The following TCF4 variants were observed in gnomAD, a reference collection of about 807,000 sequenced individuals.
The protein encoded by TCF4 is transcription factor 4.
A neutral mutation model predicts 82.1 loss-of-function variants in TCF4; 3 were observed. The ratio of observed to expected loss-of-function variants is 0.04; its 90% CI spans 0.02 to 0.09. The LOEUF (loss-of-function observed/expected upper bound fraction) is 0.09. Ranked by LOEUF, TCF4 falls within the 10% of genes least tolerant of loss-of-function variation. The probability of loss-of-function intolerance (pLI) is 1.00; values close to 1 mark genes in which losing one functional copy is unlikely to be tolerated. For synonymous variants in TCF4, 276 were observed against 309.6 expected, an observed-to-expected ratio of 0.89 and a Z score of 1.14; for missense variants, 518 against 852.7, an observed-to-expected ratio of 0.61 and a Z score of 4.89.
chr18:55,533,642 T>C (rs1274271555), intron 3 of TCF4, among the ~76,000 whole-genome samples: 1 of 152,220 alleles, frequency 6.6e-6, no homozygotes, highest in Non-Finnish European at 1.5e-5. Flanking sequence ...AAACATTTAG[T>C]GAAAATGTAA....
At chr18:55,543,624 T>C (rs2097182184) in intron 3 of TCF4, among the ~76,000 whole-genome samples, 1 of 152,150 alleles carries the variant, frequency 6.6e-6, no homozygotes, top group Middle Eastern at 3.2e-3. Context: ...ATATCTTTTA[T>C]GATACAGCAG....
chr18:55,283,538 C>T (rs185402036), intron 8 of TCF4, among the ~76,000 whole-genome samples: 1 of 152,284 alleles, frequency 6.6e-6, no homozygotes, highest in Admixed American at 6.5e-5. Flanking sequence ...TATATCTAAC[C>T]TTCATAATGA....
chr18:55,275,168 A>C (rs926005167), intron 10 of TCF4, among the ~76,000 whole-genome samples: 3 of 151,818 alleles, frequency 2.0e-5, no homozygotes, highest in Non-Finnish European at 4.4e-5. Flanking sequence ...CAACAGGCCA[A>C]AGCTGACATA....
intron 5 of TCF4, among the ~76,000 whole-genome samples, chr18:55,414,189 C>A (rs2094449327): frequency 6.6e-6 from 1 of 152,038 alleles, no homozygotes; most frequent in Admixed American, 6.6e-5. Context: ...TGTTAGAATG[C>A]AATTCTTAGT....
At chr18:55,587,295 G>C (rs984037262) in intron 1 of TCF4, 159 bp from the exon 2 acceptor site, 14 of 331,312 alleles carry the variant, frequency 4.2e-5, no homozygotes, top group Non-Finnish European at 7.4e-5. Context: ...TTGTTGGGTT[G>C]GGTTTGGTTT....
intron 8 of TCF4, among the ~76,000 whole-genome samples, chr18:55,310,586 TGAG>T (rs1416624300): frequency 6.6e-6 from 1 of 152,144 alleles, no homozygotes; most frequent in Non-Finnish European, 1.5e-5. Flanking sequence ...TTATCCACAT[TGAG>T]GAGAAGCGCA....
At chr18:55,265,453 G>A (rs2058935243) in intron 11 of TCF4, 1 of 152,064 alleles carries the variant, frequency 6.6e-6, no homozygotes, top group Non-Finnish European at 1.5e-5. Flanking sequence ...TTTTTTAACA[G>A]GAGGGATTCC....
intron 3 of TCF4, among the ~76,000 whole-genome samples, chr18:55,539,982 G>A (rs1020424375): frequency 2.0e-5 from 3 of 151,758 alleles, no homozygotes; most frequent in Non-Finnish European, 4.4e-5. Flanking sequence ...CTCAATATAC[G>A]TTATTGAACA....
At chr18:55,416,744 T>G (rs2094539046) in intron 5 of TCF4, among the ~76,000 whole-genome samples, 1 of 152,238 alleles carries the variant, frequency 6.6e-6, no homozygotes, top group African/African-American at 2.4e-5. Flanking sequence ...AAGCTCTCAG[T>G]TCTGAAATGT....
At chr18:55,341,867 T>C (rs79118099) in intron 8 of TCF4, among the ~76,000 whole-genome samples, 12,124 of 152,246 alleles carry the variant, frequency 0.08, 635 homozygotes, top group South Asian at 0.18. Flanking sequence ...CTACACGGTA[T>C]ACTCTTTAAA....
At chr18:55,272,544 T>C (rs1427487553) in intron 10 of TCF4, among the ~76,000 whole-genome samples, 2 of 152,112 alleles carry the variant, frequency 1.3e-5, no homozygotes, top group Non-Finnish European at 2.9e-5. Flanking sequence ...AACAGAGTAA[T>C]TGTTGGAAAT....
At chr18:55,301,452 T>G (rs1051959771) in intron 8 of TCF4, among the ~76,000 whole-genome samples, 2 of 152,180 alleles carry the variant, frequency 1.3e-5, no homozygotes, top group Non-Finnish European at 2.9e-5. Flanking sequence ...CAAGGCTCAT[T>G]CTGTGGTGAA....
At chr18:55,368,178 G>A (rs973567773) in intron 6 of TCF4, among the ~76,000 whole-genome samples, 1 of 152,200 alleles carries the variant, frequency 6.6e-6, no homozygotes, top group Admixed American at 6.5e-5. Flanking sequence ...CTGAGGTCAG[G>A]AATTCGAGAC....
intron 2 of TCF4, among the ~76,000 whole-genome samples, chr18:55,595,868 G>A (rs1211100810): frequency 2.0e-5 from 3 of 152,124 alleles, no homozygotes; most frequent in Admixed American, 1.3e-4. Context: ...AAATGAAGTT[G>A]TAGGCTGGAG....
chr18:55,354,010 C>T (rs997405868), intron 6 of TCF4, among the ~76,000 whole-genome samples: 6 of 152,102 alleles, frequency 3.9e-5, no homozygotes, highest in Non-Finnish European at 5.9e-5. Context: ...GTAGGCTGCC[C>T]GAATCTGCCA....
At chr18:55,324,077 A>C (rs193072577) in intron 8 of TCF4, among the ~76,000 whole-genome samples, 150 of 152,354 alleles carry the variant, frequency 9.8e-4, no homozygotes, top group African/African-American at 3.4e-3. Flanking sequence ...TGCATAAATA[A>C]ATATTTTTAA....
chr18:55,367,353 CCTT>C (rs1481986495), intron 6 of TCF4, among the ~76,000 whole-genome samples: 1 of 152,236 alleles, frequency 6.6e-6, no homozygotes, highest in Non-Finnish European at 1.5e-5. Context: ...CATCCTCCCT[CCTT>C]CTGCAAACAT....
At chr18:55,359,463 A>G (rs144130249) in intron 6 of TCF4, among the ~76,000 whole-genome samples, 3,466 of 152,196 alleles carry the variant, frequency 0.023, 66 homozygotes, top group Non-Finnish European at 0.035. Context: ...CAGAAAGTGA[A>G]CTCTGATCAT....
intron 5 of TCF4, among the ~76,000 whole-genome samples, chr18:55,414,130 G>A (rs2094447979): frequency 6.6e-6 from 1 of 152,172 alleles, no homozygotes. Flanking sequence ...ATGTATGTGA[G>A]ATTTCATGCA....
Sources: gnomAD v4.1 joint callset for allele counts (sites outside exome capture counted in the v4.1 genomes callset) on GRCh38, gnomAD v4.1.1 for gene constraint, MANE v1.5 for transcripts, NCBI Gene and HGNC (gene_info 2026-07-23, HGNC 2026-07-21) for gene names.